Variants in APBB2 observed in about 807,000 individuals in gnomAD.
The protein encoded by APBB2 is amyloid beta precursor protein binding family B member 2, also known as Fe65-like 1.
APBB2 carries 38 observed loss-of-function variants against 82.5 expected under a neutral mutation model. The ratio of observed to expected loss-of-function variants is 0.46; its 90% confidence interval spans 0.36 to 0.60. APBB2 has a LOEUF of 0.60. Among genes scored for constraint, APBB2 ranks in the 20% least tolerant of loss-of-function variants. The pLI is 0.00. For synonymous variants in APBB2, 341 were observed against 368.2 expected, an observed-to-expected ratio of 0.93 and a Z score of 0.85; for missense variants, 772 against 972.3, an observed-to-expected ratio of 0.79 and a Z score of 2.74.
In APBB2 at chr4:40,913,526, A is replaced by T. The variant is rs111315883; in HGVS notation, c.1255-20115T>A. Among the ~76,000 whole-genome samples, 1,478 of 152,256 alleles carry T rather than the reference A, an allele frequency of 9.7e-3. 27 individuals carry two copies. Among genetic ancestry groups the T allele is most frequent in the African/African-American group, 0.034 (1,399 of 41,530 alleles). ...TCCATCCCCATCATGTGCAGATTCCATATCTGCAAGTTCACCTACTTGCTA... is the reference window on the plus strand; with the variant it reads ...TCCATCCCCATCATGTGCAGATTCCTTATCTGCAAGTTCACCTACTTGCTA... On this transcript the variant is annotated intron_variant, in intron 10 of 17. Transcript: ENST00000508593.
intron 12 of APBB2, among the ~76,000 whole-genome samples, chr4:40,883,455 C>T (rs1041208737): frequency 5.3e-5 from 8 of 152,016 alleles, no homozygotes; most frequent in Non-Finnish European, 1.0e-4. Context: ...GGCATGGTGG[C>T]GCATGCCTGT....
At chr4:40,893,193 T>G in intron 11 of APBB2, 72 bp downstream of exon 11, 75 of 1,563,338 alleles carry the variant, frequency 4.8e-5, no homozygotes, top group Non-Finnish European at 6.0e-5. Flanking sequence ...CATGTGTCAC[T>G]GAGCTGTGGG....
At chr4:40,901,673 C>A (rs754702978) in intron 10 of APBB2, among the ~76,000 whole-genome samples, 2 of 152,070 alleles carry the variant, frequency 1.3e-5, no homozygotes, top group Non-Finnish European at 2.9e-5. Flanking sequence ...CCATGCCCAG[C>A]TAATTTTTGT....
intron 6 of APBB2, among the ~76,000 whole-genome samples, chr4:40,976,709 A>G (rs1258018974): frequency 6.6e-6 from 1 of 152,186 alleles, no homozygotes; most frequent in Non-Finnish European, 1.5e-5. Context: ...GGGGCTCAGG[A>G]GCTTCCAGTC....
chr4:40,870,996 G>A (rs956863933), intron 12 of APBB2, among the ~76,000 whole-genome samples: 20 of 98,490 alleles, frequency 2.0e-4, no homozygotes, highest in South Asian at 1.1e-3. Flanking sequence ...CCACCACCGC[G>A]CCCAGCCATA....
intron 5 of APBB2, among the ~76,000 whole-genome samples, chr4:41,022,436 A>T (rs1243261000): frequency 6.6e-6 from 1 of 152,186 alleles, no homozygotes; most frequent in South Asian, 2.1e-4. Flanking sequence ...GATCGCATAC[A>T]TCATCTTCCT....
chr4:41,006,253 A>T (rs994497801), intron 6 of APBB2, among the ~76,000 whole-genome samples: 20 of 152,178 alleles, frequency 1.3e-4, no homozygotes, highest in African/African-American at 4.3e-4. Flanking sequence ...CGGAAAACAC[A>T]CTATCTACCC....
intron 10 of APBB2, among the ~76,000 whole-genome samples, chr4:40,930,636 G>C (rs541834390): frequency 4.9e-4 from 74 of 152,118 alleles, no homozygotes; most frequent in African/African-American, 1.6e-3. Flanking sequence ...ATTTTTTTCA[G>C]CATGTAAGTT....
chr4:41,122,513 T>A (rs1339170636), intron 2 of APBB2, among the ~76,000 whole-genome samples: 1 of 152,170 alleles, frequency 6.6e-6, no homozygotes, highest in African/African-American at 2.4e-5. Flanking sequence ...ACCTACCATA[T>A]GCCACCTGTT....
intron 2 of APBB2, among the ~76,000 whole-genome samples, chr4:41,125,789 AG>A (rs1244916343): frequency 6.6e-6 from 1 of 152,228 alleles, no homozygotes; most frequent in Non-Finnish European, 1.5e-5. Context: ...GATTAAATTA[AG>A]CTTCACTTAA....
chr4:40,972,296 C>T (rs941893817), intron 6 of APBB2, among the ~76,000 whole-genome samples: 1 of 151,808 alleles, frequency 6.6e-6, no homozygotes, highest in African/African-American at 2.4e-5. Context: ...GGCGTGGTGG[C>T]GGGCGCCTGT....
chr4:40,922,078 A>G lies in APBB2; in HGVS notation c.1254+12378T>C, dbSNP rs536397242. ...GATTCAACAACTAAATACACCTTTC[A>G]TGAAGCGATCATTAGTCTGAGGGTC... On this transcript the variant is annotated intron_variant, in intron 10 of 17. Transcript: ENST00000508593. 2.6e-5 allele frequency among the ~76,000 whole-genome samples: 4 copies of G among 152,326 alleles called. No homozygotes were observed. The South Asian group carries it at 8.3e-4, about 32-fold the overall frequency.
chr4:41,171,302 T>C (rs1371657046), intron 1 of APBB2, among the ~76,000 whole-genome samples: 2 of 152,204 alleles, frequency 1.3e-5, no homozygotes, highest in African/African-American at 4.8e-5. Flanking sequence ...GATACAGAGC[T>C]ACTTGCCCAG....
intron 2 of APBB2, among the ~76,000 whole-genome samples, chr4:41,142,593 AG>A (rs1230426148): frequency 6.6e-6 from 1 of 152,218 alleles, no homozygotes; most frequent in Non-Finnish European, 1.5e-5. Flanking sequence ...AATGAGTGCA[AG>A]TCTTTGAAAC....
chr4:40,897,923 C>T (rs1302945369), intron 10 of APBB2, among the ~76,000 whole-genome samples: 2 of 151,806 alleles, frequency 1.3e-5, no homozygotes, highest in Non-Finnish European at 2.9e-5. Flanking sequence ...AGTCATCTGC[C>T]ACTTAAAAAA....
chr4:41,103,911 T>C (rs1032709987), intron 2 of APBB2, among the ~76,000 whole-genome samples: 2 of 152,214 alleles, frequency 1.3e-5, no homozygotes, highest in Admixed American at 1.3e-4. Context: ...ATACAGTCCG[T>C]CCCAATAGGG....
intron 2 of APBB2, among the ~76,000 whole-genome samples, chr4:41,129,382 C>T (rs1250903879): frequency 6.6e-6 from 1 of 152,188 alleles, no homozygotes; most frequent in Non-Finnish European, 1.5e-5. Flanking sequence ...TCCATGTCCC[C>T]TCTCACACTG....
At chr4:41,135,044 T>A (rs1757172567) in intron 2 of APBB2, among the ~76,000 whole-genome samples, 2 of 152,166 alleles carry the variant, frequency 1.3e-5, no homozygotes, top group African/African-American at 4.8e-5. Context: ...TCCAGACTTC[T>A]TATTTCTAGG....
At chr4:40,856,499 C>T (rs113546193) in intron 12 of APBB2, among the ~76,000 whole-genome samples, 2,090 of 152,336 alleles carry the variant, frequency 0.014, 18 homozygotes, top group Middle Eastern at 0.054. Flanking sequence ...AATCGTGTAA[C>T]TAAAATCATT....
Sources: gnomAD v4.1 joint callset for allele counts (sites outside exome capture counted in the v4.1 genomes callset) on GRCh38, gnomAD v4.1.1 for gene constraint, MANE v1.5 for transcripts, NCBI Gene and HGNC (gene_info 2026-07-23, HGNC 2026-07-21) for gene names.